CREB5: variants seen among roughly 807,000 people sequenced by gnomAD.
CREB5 encodes the protein cAMP responsive element binding protein 5, also known as cyclic AMP-responsive element-binding protein 5.
Under a neutral mutation model 57.1 loss-of-function variants are expected in CREB5, and 19 were observed. The observed-to-expected ratio is 0.33, with a 90% CI of 0.23 to 0.49. The LOEUF is 0.49. Ranked by LOEUF, CREB5 falls within the 20% of genes least tolerant of loss-of-function variation. The pLI is 0.99. For synonymous variants in CREB5, 238 were observed against 238.3 expected (o/e 1.00, Z 0.01); for missense variants, 579 against 671.6 (o/e 0.86, Z 1.52).
intron 4 of CREB5, among the ~76,000 whole-genome samples, chr7:28,560,825 C>CGTGTGTGCATGCGTGCGTGT (rs1562797019): frequency 2.7e-5 from 1 of 37,566 alleles, no homozygotes; most frequent in African/African-American, 7.2e-5. Flanking sequence ...TGTGTGTGCG[C>CGTGTGTGCATGCGTGCGTGT]GCGCGCGCGT....
In CREB5 at chr7:28,560,961, CGTGTGTGT is replaced by C. The variant is rs1255407006; in HGVS notation, c.292-9400_292-9393del. On this transcript the variant is annotated intron_variant, in intron 4 of 10. Coordinates refer to ENST00000357727, the MANE Select transcript of CREB5 (RefSeq NM_182898.4). ...GCGTGCGTGTGTGTGCGTGTGTGTG[CGTGTGTGT>C]GTGCGTGTGTGCGTGCGTGTGTGTG... is the stretch of plus-strand genomic sequence containing the variant. 3.1e-3 allele frequency among the ~76,000 whole-genome samples: 73 copies of C among 23,890 alleles called. 3 individuals carry two copies. Among genetic ancestry groups the C allele is most frequent in the East Asian group, 0.011 (6 of 542 alleles). The allele number at this position is 23,890 out of a possible 152,430, so 15.7% of individuals were successfully genotyped here.
At chr7:28,798,208 A>G (rs1006852439) in intron 7 of CREB5, among the ~76,000 whole-genome samples, 10 of 152,194 alleles carry the variant, frequency 6.6e-5, no homozygotes, top group African/African-American at 2.2e-4. Flanking sequence ...CTCTCACTCA[A>G]TTGAATTTCA....
At chr7:28,779,679 G>A (rs182752212) in intron 7 of CREB5, among the ~76,000 whole-genome samples, 25 of 152,250 alleles carry the variant, frequency 1.6e-4, no homozygotes, top group Admixed American at 6.5e-4. Flanking sequence ...AGAAGAAGGG[G>A]ACATCTTCCA....
At chr7:28,691,784 T>G (rs1583557364) in intron 5 of CREB5, among the ~76,000 whole-genome samples, 1 of 152,182 alleles carries the variant, frequency 6.6e-6, no homozygotes, top group East Asian at 1.9e-4. Context: ...AGGTCAACAT[T>G]AAGAAGCAGA....
intron 5 of CREB5, among the ~76,000 whole-genome samples, chr7:28,678,616 G>C (rs1800435898): frequency 6.6e-6 from 1 of 152,088 alleles, no homozygotes; most frequent in Non-Finnish European, 1.5e-5. Flanking sequence ...GTCATGTATG[G>C]GCCTGAGAGG....
At chr7:28,538,481 T>C (rs1794070023) in intron 4 of CREB5, among the ~76,000 whole-genome samples, 1 of 152,238 alleles carries the variant, frequency 6.6e-6, no homozygotes, top group African/African-American at 2.4e-5. Flanking sequence ...AATATATGAC[T>C]CTTCTCTTTT....
intron 7 of CREB5, among the ~76,000 whole-genome samples, chr7:28,769,202 C>T (rs1806181452): frequency 6.6e-6 from 1 of 152,184 alleles, no homozygotes; most frequent in South Asian, 2.1e-4. Flanking sequence ...GAAACTATAG[C>T]TCATTCAGTG....
At chr7:28,485,122 A>G (rs553017087) in intron 1 of CREB5, among the ~76,000 whole-genome samples, 1 of 152,356 alleles carries the variant, frequency 6.6e-6, no homozygotes, top group East Asian at 1.9e-4. Context: ...GGATTACGGT[A>G]GAAAAATACT....
At position 28,822,044 on chromosome 7, in the gene CREB5, T is replaced by G. The variant is rs1452554651; in HGVS notation, c.*2765T>G. ...TAAGAACTTGCCTGAGTTTTCTTCG[T>G]TCAGCAACTTGACAGTTTGACTGAT... On this transcript the variant is annotated 3_prime_UTR_variant, in exon 11 of 11. Coordinates refer to ENST00000357727, the MANE Select transcript of CREB5 (RefSeq NM_182898.4). 3 of 152,546 alleles carry G rather than the reference T, an allele frequency of 2.0e-5. No homozygotes were observed. Among genetic ancestry groups the G allele is most frequent in the African/African-American group, 7.2e-5 (3 of 41,460 alleles). The allele number at this position is 152,546 out of a possible 1,614,324, so 9.4% of individuals were successfully genotyped here.
chr7:28,806,867 A>G (rs1243014025), intron 8 of CREB5, among the ~76,000 whole-genome samples: 10 of 152,170 alleles, frequency 6.6e-5, no homozygotes, highest in Non-Finnish European at 1.2e-4. Context: ...ATTTTTTCCT[A>G]TTTGAGGGTT....
intron 1 of CREB5, among the ~76,000 whole-genome samples, chr7:28,436,087 T>G (rs1381993193): frequency 6.9e-6 from 1 of 145,870 alleles, no homozygotes. Context: ...AAAGTGGCCT[T>G]TCACTGGCTT....
At chr7:28,661,468 A>G (rs1799610198) in intron 5 of CREB5, among the ~76,000 whole-genome samples, 1 of 144,010 alleles carries the variant, frequency 6.9e-6, no homozygotes, top group Non-Finnish European at 1.5e-5. Context: ...CTCTATGTAC[A>G]TGTCAAGGGG....
At chr7:28,370,250 G>A (rs1223195818) in intron 1 of CREB5, among the ~76,000 whole-genome samples, 1 of 152,198 alleles carries the variant, frequency 6.6e-6, no homozygotes, top group African/African-American at 2.4e-5. Context: ...CTCAGCTTCA[G>A]GTATCCTGAA....
rs971303602 is a variant in CREB5, at chr7:28,761,321, G to T, written c.702+36989G>T. On this transcript the variant is annotated intron_variant, in intron 7 of 10. Transcript: ENST00000357727. The stretch of plus-strand genomic sequence containing the variant: ...TGGACCCTTGGGTAAGATATTAACT[G>T]CTCTGGACTTCACTTTCCTCAACTG... Among the ~76,000 whole-genome samples the T allele has an allele frequency of 3.9e-5, 6 of 152,206 alleles. No homozygotes were observed. The East Asian group carries it at 1.2e-3, about 29-fold the overall frequency.
chr7:28,818,585 C>T (rs1809574834), intron 10 of CREB5, among the ~76,000 whole-genome samples: 1 of 152,180 alleles, frequency 6.6e-6, no homozygotes, highest in South Asian at 2.1e-4. Flanking sequence ...ATGTTACTCA[C>T]TGGGCTGAAA....
chr7:28,360,148 G>T (rs1786444921), intron 1 of CREB5, among the ~76,000 whole-genome samples: 1 of 152,132 alleles, frequency 6.6e-6, no homozygotes, highest in African/African-American at 2.4e-5. Context: ...CAACCACTGT[G>T]AAAAACCATA....
intron 5 of CREB5, among the ~76,000 whole-genome samples, chr7:28,613,877 T>C (rs1452869444): frequency 6.6e-6 from 1 of 152,216 alleles, no homozygotes; most frequent in Non-Finnish European, 1.5e-5. Flanking sequence ...GAGAGGCTTC[T>C]TCCAGTTGGA....
intron 7 of CREB5, among the ~76,000 whole-genome samples, chr7:28,785,656 C>T (rs997419807): frequency 2.6e-5 from 4 of 152,182 alleles, no homozygotes; most frequent in Non-Finnish European, 5.9e-5. Context: ...ATGTTTACTG[C>T]AGGGTTTTGT....
At chr7:28,559,549 AG>A (rs1795000087) in intron 4 of CREB5, among the ~76,000 whole-genome samples, 1 of 150,696 alleles carries the variant, frequency 6.6e-6, no homozygotes. Context: ...TCCTGAGCTC[AG>A]GCAATCCGCC....
Sources: gnomAD v4.1 joint callset for allele counts (sites outside exome capture counted in the v4.1 genomes callset) on GRCh38, gnomAD v4.1.1 for gene constraint, MANE v1.5 for transcripts, NCBI Gene and HGNC (gene_info 2026-07-23, HGNC 2026-07-21) for gene names.